Variants in SETD7 observed in about 807,000 individuals in gnomAD.
SETD7 encodes the protein histone-lysine N-methyltransferase SETD7.
A neutral mutation model predicts 41.8 loss-of-function variants in SETD7; 16 were observed. The observed-to-expected ratio is 0.38, with a 90% CI of 0.26 to 0.58. The LOEUF is 0.58. Among genes scored for constraint, SETD7 ranks in the 20% least tolerant of loss-of-function variants. SETD7 has a pLI of 0.64. For synonymous variants in SETD7, 163 were observed against 169.7 expected, an observed-to-expected ratio of 0.96 and a Z score of 0.31; for missense variants, 346 against 459.7, an observed-to-expected ratio of 0.75 and a Z score of 2.26.
At chr4:139,544,797 A>AGTGTGTGTGTGTGTGTGTGTGTGT (rs10581648) in intron 2 of SETD7, among the ~76,000 whole-genome samples, 1 of 144,840 alleles carries the variant, frequency 6.9e-6, no homozygotes, top group African/African-American at 2.6e-5. Context: ...CCAGATTTAA[A>AGTGTGTGTGTGTGTGTGTGTGTGT]GTGTGTGTGT....
rs1194690296 is a variant in SETD7 at position 139,510,984 on chromosome 4, CATA to C, written c.*676_*678del. ...TATGAGCCAGTACTTTATATTAGGA[CATA>C]ATAATAAAATGATGATATAGAAAGA... On this transcript the variant is annotated 3_prime_UTR_variant, in exon 8 of 8. Coordinates refer to ENST00000274031, the MANE Select transcript of SETD7 (RefSeq NM_030648.4). The C allele has an allele frequency of 3.3e-5, 5 of 152,490 alleles. No homozygotes were observed. Among genetic ancestry groups the C allele is most frequent in the African/African-American group, 1.2e-4 (5 of 41,384 alleles). The allele number at this position is 152,490 out of a possible 1,614,324, so 9.4% of individuals were successfully genotyped here.
At chr4:139,503,739 C>T (rs906109416), downstream of SETD7, among the ~76,000 whole-genome samples, 3 of 152,144 alleles carry the variant, frequency 2.0e-5, no homozygotes, top group African/African-American at 7.2e-5. Context: ...ACTCATGATG[C>T]AGATGAGGCA....
intron 6 of SETD7, among the ~76,000 whole-genome samples, chr4:139,518,362 C>CA (rs1479974327): frequency 6.6e-6 from 1 of 152,240 alleles, no homozygotes; most frequent in South Asian, 2.1e-4. Context: ...CTCCTGACCT[C>CA]AGATGATCTG....
chr4:139,543,891 G>A (rs548178254), intron 2 of SETD7, among the ~76,000 whole-genome samples: 1 of 152,140 alleles, frequency 6.6e-6, no homozygotes, highest in African/African-American at 2.4e-5. Context: ...GTGAACCCAG[G>A]AGGCGGAGCT....
At chr4:139,494,403 G>A (rs1268615468), downstream of SETD7, among the ~76,000 whole-genome samples, 1 of 152,128 alleles carries the variant, frequency 6.6e-6, no homozygotes, top group African/African-American at 2.4e-5. Flanking sequence ...CAGCATACCT[G>A]AGCAATTATT....
Position 139,533,146 on chromosome 4 carries a change from G to A in SETD7, c.372+19C>T, listed in dbSNP as rs145857649. On this transcript the variant is annotated intron_variant, in intron 3 of 7. Coordinates refer to ENST00000274031, the MANE Select transcript of SETD7 (RefSeq NM_030648.4). ...ACAGTATGTTACTTTCCAGCAGAGT[G>A]AACAGTCACACGGCTTACTGGGTAA... The A allele has an allele frequency of 3.9e-5, 62 of 1,597,510 alleles. No homozygotes were observed. The African/African-American group carries it at 6.7e-4, about 17-fold the overall frequency.
At chr4:139,502,523 G>C (rs922864713), downstream of SETD7, among the ~76,000 whole-genome samples, 1 of 152,188 alleles carries the variant, frequency 6.6e-6, no homozygotes, top group African/African-American at 2.4e-5. Context: ...GGTGGGTGTG[G>C]GTGGAGCACA....
intron 7 of SETD7, among the ~76,000 whole-genome samples, chr4:139,500,143 C>T (rs1049369001): frequency 5.3e-5 from 8 of 152,136 alleles, no homozygotes; most frequent in Admixed American, 2.6e-4. Context: ...TTTTTGAGAG[C>T]GGCATTTGTC....
chr4:139,536,061 T>C (rs1727628571), intron 2 of SETD7, among the ~76,000 whole-genome samples: 1 of 152,164 alleles, frequency 6.6e-6, no homozygotes, highest in Non-Finnish European at 1.5e-5. Context: ...TTCTACATCA[T>C]CTATGGCTGC....
intron 1 of SETD7, 59 bp from the exon 2 acceptor site, chr4:139,547,108 G>A (rs780912234): frequency 1.4e-4 from 223 of 1,588,474 alleles, no homozygotes; most frequent in Non-Finnish European, 1.8e-4. Context: ...CCCATCTGAC[G>A]TCTAAGCATT....
At chr4:139,518,802 C>T (rs1182016706) in intron 6 of SETD7, among the ~76,000 whole-genome samples, 1 of 152,142 alleles carries the variant, frequency 6.6e-6, no homozygotes, top group Admixed American at 6.5e-5. Flanking sequence ...ACCAGCATGC[C>T]TTCTTATCTA....
chr4:139,494,507 A>G (rs1173420105), downstream of SETD7, among the ~76,000 whole-genome samples: 1 of 152,204 alleles, frequency 6.6e-6, no homozygotes, highest in Non-Finnish European at 1.5e-5. Context: ...AAATAAATCA[A>G]TAAACAGTGT....
chr4:139,545,990 G>T (rs1023953519), intron 2 of SETD7, among the ~76,000 whole-genome samples: 1 of 152,272 alleles, frequency 6.6e-6, no homozygotes, highest in Non-Finnish European at 1.5e-5. Flanking sequence ...AGCTGACAGG[G>T]CCTAAAAGTC....
intron 3 of SETD7, among the ~76,000 whole-genome samples, chr4:139,530,083 C>T (rs1049872395): frequency 6.6e-5 from 10 of 152,076 alleles, no homozygotes; most frequent in Admixed American, 4.6e-4. Flanking sequence ...TTCTTAAACG[C>T]TTTTTAAATT....
intron 1 of SETD7, among the ~76,000 whole-genome samples, chr4:139,551,861 A>C (rs1303935843): frequency 6.6e-6 from 1 of 152,178 alleles, no homozygotes; most frequent in Non-Finnish European, 1.5e-5. Context: ...TAAATAAATA[A>C]ATTGAAAAAC....
intron 3 of SETD7, among the ~76,000 whole-genome samples, chr4:139,530,293 A>G (rs1202379883): frequency 1.3e-5 from 2 of 151,282 alleles, no homozygotes; most frequent in Non-Finnish European, 2.9e-5. Context: ...TTGAGGATCT[A>G]GGAACAGCTA....
At position 139,547,022 on chromosome 4, in the gene SETD7, T is replaced by C. The variant is rs757451319; in HGVS notation, c.68A>G (p.His23Arg). The C allele has an allele frequency of 1.2e-6, 2 of 1,613,886 alleles. No individual in the cohort carries two copies. The highest frequency in any genetic ancestry group is 1.7e-6 in the Non-Finnish European group (2 of 1,179,962). ...GGAGTAGGTGACTGTGCAGAACCCG[T>C]GCGGTAATCCGTCATCGTCCAGGTG... ...EGHLDDDGLP[H>R]GFCTVTYSST... Residue 23 changes from histidine to arginine, a missense_variant, in exon 2 of 8, where the codon CAC (histidine) becomes CGC (arginine). Transcript: ENST00000274031.
intron 2 of SETD7, among the ~76,000 whole-genome samples, chr4:139,536,709 TA>T (rs796565579): frequency 0.014 from 1,954 of 141,614 alleles, 39 homozygotes; most frequent in African/African-American, 0.048. Flanking sequence ...GACTCTGTCT[TA>T]AAAAAAAAAT....
At chr4:139,495,425 ATAC>A (rs1442411872), downstream of SETD7, among the ~76,000 whole-genome samples, 1 of 152,200 alleles carries the variant, frequency 6.6e-6, no homozygotes, top group Non-Finnish European at 1.5e-5. Flanking sequence ...TGCCTTAAAG[ATAC>A]TACCGGAGGC....
Sources: allele counts gnomAD v4.1 joint callset (sites outside exome capture counted in the v4.1 genomes callset), GRCh38; gene constraint gnomAD v4.1.1; transcripts MANE v1.5; gene names NCBI Gene and HGNC (gene_info 2026-07-23, HGNC 2026-07-21).